HGSNAT: variants seen among roughly 807,000 people sequenced by gnomAD.
The protein encoded by HGSNAT is transmembrane protein 76.
Under a neutral mutation model 85.2 loss-of-function variants are expected in HGSNAT, and 59 were observed. That is an observed-to-expected ratio of 0.69 (90% CI 0.56 to 0.86). The LOEUF is 0.86. Ranked by LOEUF, HGSNAT falls within the 40% of genes least tolerant of loss-of-function variation. The pLI, the probability that HGSNAT is intolerant of heterozygous loss-of-function variation, is 0.00. For missense variants in HGSNAT, 756 were observed against 777.1 expected (o/e 0.97, Z 0.32); for synonymous variants, 321 against 304.5 (o/e 1.05, Z -0.56).
At chr8:43,166,555 A>G (rs1341244863) in intron 5 of HGSNAT, among the ~76,000 whole-genome samples, 1 of 152,190 alleles carries the variant, frequency 6.6e-6, no homozygotes, top group East Asian at 1.9e-4. Context: ...CTTACTGACT[A>G]TTTTAAGCCT....
At chr8:43,157,560 G>C (rs1195487552) in intron 2 of HGSNAT, among the ~76,000 whole-genome samples, 1 of 152,166 alleles carries the variant, frequency 6.6e-6, no homozygotes, top group Non-Finnish European at 1.5e-5. Context: ...TGCATCACCT[G>C]AGTTCAGGAG....
Position 43,202,816 on chromosome 8 carries a change from G to C in HGSNAT, c.*3247G>C, listed in dbSNP as rs749370427. Reference sequence around the variant, plus strand: ...AATTCTGTTTTCCAAATAAATGGGGGAGACAAATGGACTTTGAGTAAATTT... The same window carrying C: ...AATTCTGTTTTCCAAATAAATGGGGCAGACAAATGGACTTTGAGTAAATTT... On this transcript the variant is annotated 3_prime_UTR_variant, in exon 18 of 18. Coordinates refer to ENST00000379644, the MANE Select transcript of HGSNAT (RefSeq NM_152419.3). 6.6e-6 allele frequency: 1 copy of C among 152,234 alleles called. No homozygotes were observed. The highest frequency in any genetic ancestry group is 1.5e-5 in the Non-Finnish European group (1 of 68,038). 9.4% of individuals were successfully genotyped at this position (152,234 alleles called of 1,614,324 possible). A position where few individuals can be genotyped will look rare whatever the true frequency, so the allele number is the denominator to read the frequency against.
rs141081981 is a variant in HGSNAT at position 43,181,218 on chromosome 8, G to C, written c.1013-927G>C. ...GGGAGAGGGAGAGGGAGAGGGAGAG[G>C]GAGAGGGAGAGGGAGAGCATTTCAT... On this transcript the variant is annotated intron_variant, in intron 10 of 17. Transcript: ENST00000379644. 2.1e-3 allele frequency among the ~76,000 whole-genome samples: 247 copies of C among 120,216 alleles called. 3 individuals are homozygous for C. Among genetic ancestry groups the C allele is most frequent in the African/African-American group, 7.7e-3 (234 of 30,444 alleles). 78.9% of individuals were successfully genotyped at this position (120,216 alleles called of 152,430 possible). A position where few individuals can be genotyped will look rare whatever the true frequency, so the allele number is the denominator to read the frequency against.
At chr8:43,145,239 A>G (rs1349463189) in intron 1 of HGSNAT, among the ~76,000 whole-genome samples, 1 of 152,182 alleles carries the variant, frequency 6.6e-6, no homozygotes, top group African/African-American at 2.4e-5. Context: ...AAGCCCTCCC[A>G]CCACCCTGCG....
intron 4 of HGSNAT, among the ~76,000 whole-genome samples, chr8:43,161,100 C>G (rs918324104): frequency 1.2e-4 from 19 of 152,016 alleles, no homozygotes; most frequent in Admixed American, 6.6e-5. Flanking sequence ...AACATGATGT[C>G]TTGGATTCCT....
In HGSNAT at chr8:43,199,413, C is replaced by A; in HGVS notation, c.1752C>A (p.Val584=). The A allele has an allele frequency of 3.1e-6, 5 of 1,604,480 alleles. No homozygotes were observed. Among genetic ancestry groups the A allele is most frequent in the Non-Finnish European group, 8.5e-7 (1 of 1,175,014 alleles). The change falls in exon 18 of 18, where the codon GTC becomes GTA. Residue 584 remains valine (V), a synonymous_variant. Transcript: ENST00000379644. Reference sequence around the variant, plus strand: ...GAATGAATTCCATTCTGGTATATGTCGGCCACGAGGTGTTTGAGAACTACT... The same window carrying A: ...GAATGAATTCCATTCTGGTATATGTAGGCCACGAGGTGTTTGAGAACTACT... ...YPGMNSILVY[V]GHEVFENYFP... is the part of the protein sequence containing the mutation.
At chr8:43,195,125 C>G (rs967145267) in intron 14 of HGSNAT, among the ~76,000 whole-genome samples, 1 of 151,800 alleles carries the variant, frequency 6.6e-6, no homozygotes, top group Admixed American at 6.6e-5. Flanking sequence ...GCTAGTGGTT[C>G]GGCTGTTGGG....
chr8:43,196,737 A>C (rs1804740025), intron 14 of HGSNAT: 1 of 592,392 alleles, frequency 1.7e-6, no homozygotes, highest in Middle Eastern at 3.2e-4. Context: ...CCTCCTCCCC[A>C]GAGAGGGCGT....
chr8:43,163,521 C>CT lies in HGSNAT; in HGVS notation c.563+2029dup, dbSNP rs561461706. Among the ~76,000 whole-genome samples, 544 of 143,354 alleles carry CT rather than the reference C, an allele frequency of 3.8e-3. 2 individuals carry two copies. The highest frequency in any genetic ancestry group is 5.0e-3 in the East Asian group (25 of 4,952). 94.0% of individuals were successfully genotyped at this position (143,354 alleles called of 152,430 possible). A position where few individuals can be genotyped will look rare whatever the true frequency, so the allele number is the denominator to read the frequency against. On this transcript the variant is annotated intron_variant, in intron 5 of 17. Coordinates refer to ENST00000379644, the MANE Select transcript of HGSNAT (RefSeq NM_152419.3). ...GAAATCTTAACTTCTCCTTTTCACC[C>CT]TTTTTTTTTTTTTTTAATTTTTTGA... is the stretch of plus-strand genomic sequence containing the variant.
chr8:43,165,379 T>C (rs2130732691), intron 5 of HGSNAT, among the ~76,000 whole-genome samples: 1 of 152,094 alleles, frequency 6.6e-6, no homozygotes, highest in East Asian at 1.9e-4. Flanking sequence ...CTCCCTCTCT[T>C]TGGGCTTCTC....
At chr8:43,163,752 G>A (rs1185555936) in intron 5 of HGSNAT, among the ~76,000 whole-genome samples, 3 of 152,024 alleles carry the variant, frequency 2.0e-5, no homozygotes, top group Admixed American at 6.6e-5. Flanking sequence ...TCCTGACCTC[G>A]TGATCCACCT....
Position 43,201,097 on chromosome 8 carries a change from C to T in HGSNAT, c.*1528C>T, listed in dbSNP as rs1804904461. ...CCCCAGTTCTGTCTCCATCTTCTAC[C>T]TGCAGCTGCTCTGTTCTCATGGTCA... On this transcript the variant is annotated 3_prime_UTR_variant, in exon 18 of 18. Coordinates refer to ENST00000379644, the MANE Select transcript of HGSNAT (RefSeq NM_152419.3). This position sits in a 1 kb window ranked among gnomAD's most constrained non-coding sequence, Gnocchi z 4.4. 6.6e-6 allele frequency: 1 copy of T among 152,480 alleles called. No individual in the cohort carries two copies. The highest frequency in any genetic ancestry group is 2.1e-4 in the South Asian group (1 of 4,840). 9.4% of individuals were successfully genotyped at this position (152,480 alleles called of 1,614,324 possible).
In HGSNAT at chr8:43,146,959, A is replaced by G. The variant is rs1271656017; in HGVS notation, c.130A>G (p.Lys44Glu). The change falls in exon 2 of 18, where the codon AAA (lysine) becomes GAA (glutamate). Residue 44 changes from lysine (K) to glutamate (E), a missense_variant. Transcript: ENST00000379644. ...CTAATTTCTACCAGACTTAGACAAAAAAAGACATGCAGAGCTGAAGATGGA... is the reference window on the plus strand; with the variant it reads ...CTAATTTCTACCAGACTTAGACAAAGAAAGACATGCAGAGCTGAAGATGGA... ...QAAPPRDLDKKRHAELKMDQA... is the reference protein window; with the variant it reads ...QAAPPRDLDKERHAELKMDQA... 3.8e-6 allele frequency: 6 copies of G among 1,596,252 alleles called. No homozygotes were observed. The East Asian group carries it at 1.3e-4, about 36-fold the overall frequency.
intron 4 of HGSNAT, among the ~76,000 whole-genome samples, chr8:43,159,972 C>G (rs1157718164): frequency 6.6e-6 from 1 of 151,986 alleles, no homozygotes; most frequent in Non-Finnish European, 1.5e-5. Context: ...AACGCAGGAG[C>G]CGATATGAAA....
intron 5 of HGSNAT, among the ~76,000 whole-genome samples, 156 bp from the exon 6 acceptor site, chr8:43,169,017 G>A (rs1452755617): frequency 2.0e-5 from 3 of 152,108 alleles, no homozygotes; most frequent in East Asian, 1.9e-4. Context: ...GCTGAAAATT[G>A]TGATTTCTAT....
chr8:43,141,295 G>A (rs1193161257), intron 1 of HGSNAT, among the ~76,000 whole-genome samples: 1 of 151,568 alleles, frequency 6.6e-6, no homozygotes, highest in Non-Finnish European at 1.5e-5. Context: ...GGAAGCCGCC[G>A]CCGCCGCCGC....
At chr8:43,194,411 A>T (rs1804640625) in intron 14 of HGSNAT, 2 of 985,330 alleles carry the variant, frequency 2.0e-6, no homozygotes, top group Admixed American at 6.1e-5. Context: ...AAAGAAAAAA[A>T]GGTTTTCCTG....
At chr8:43,143,704 A>AT (rs754609672) in intron 1 of HGSNAT, among the ~76,000 whole-genome samples, 4,975 of 143,148 alleles carry the variant, frequency 0.035, 249 homozygotes, top group African/African-American at 0.11. Context: ...CGCCTGGCTA[A>AT]TTTTTTTTTT....
intron 1 of HGSNAT, among the ~76,000 whole-genome samples, chr8:43,141,208 G>C (rs147419445): frequency 0.031 from 4,739 of 152,238 alleles, 108 homozygotes; most frequent in Non-Finnish European, 0.05. Flanking sequence ...AAGGCGGTGG[G>C]GGCGCGGCCT....
Sources: gnomAD v4.1 joint callset for allele counts (sites outside exome capture counted in the v4.1 genomes callset) on GRCh38, gnomAD v4.1.1 for gene constraint, Gnocchi (gnomAD v3.1) non-coding constraint, MANE v1.5 for transcripts, NCBI Gene and HGNC (gene_info 2026-07-23, HGNC 2026-07-21) for gene names.